Variants in CALCR observed in about 807,000 individuals in gnomAD.
CALCR encodes the protein calcitonin receptor.
A neutral mutation model predicts 59.5 loss-of-function variants in CALCR; 47 were observed. The observed-to-expected ratio is 0.79, with a 90% confidence interval of 0.63 to 1.01. The LOEUF is 1.01. Among genes scored for constraint, CALCR ranks in the 50% least tolerant of loss-of-function variants. CALCR has a pLI of 0.00. For missense variants in CALCR, 566 were observed against 597.1 expected, an observed-to-expected ratio of 0.95 and a Z score of 0.54; for synonymous variants, 213 against 211.3, an observed-to-expected ratio of 1.01 and a Z score of -0.07.
At chr7:93,505,844 C>T (rs909565303) in intron 2 of CALCR, among the ~76,000 whole-genome samples, 2 of 152,160 alleles carry the variant, frequency 1.3e-5, no homozygotes, top group African/African-American at 2.4e-5. Context: ...TCCACCTTCC[C>T]TTCTCTTTGC....
Position 93,529,966 on chromosome 7 carries a change from G to A in CALCR, c.-26-42959C>T, listed in dbSNP as rs1224618588. Among the ~76,000 whole-genome samples the A allele has an allele frequency of 2.0e-5, 3 of 152,054 alleles. No individual in the cohort carries two copies. The East Asian group carries it at 5.8e-4, about 29-fold the overall frequency. ...TCTACATTTCTATATGTAAAACACA[G>A]CTCTTTTTTTCATTGCTCTTTATTG... is the stretch of plus-strand genomic sequence containing the variant. On this transcript the variant is annotated intron_variant, in intron 2 of 13. Coordinates refer to ENST00000426151, the MANE Select transcript of CALCR (RefSeq NM_001742.4).
chr7:93,547,937 T>G (rs1789336445), intron 2 of CALCR, among the ~76,000 whole-genome samples: 2 of 152,276 alleles, frequency 1.3e-5, no homozygotes, highest in South Asian at 4.1e-4. Flanking sequence ...GATGTTTATT[T>G]CAAGGCCACA....
chr7:93,434,630 G>C (rs1281287261), intron 12 of CALCR, among the ~76,000 whole-genome samples: 3 of 151,896 alleles, frequency 2.0e-5, no homozygotes, highest in African/African-American at 4.8e-5. Flanking sequence ...TTTAAAAATG[G>C]AGACCTTGCA....
chr7:93,519,979 A>G (rs1218159881), intron 2 of CALCR, among the ~76,000 whole-genome samples: 3 of 152,214 alleles, frequency 2.0e-5, no homozygotes, highest in African/African-American at 7.2e-5. Flanking sequence ...GAAATTCTTT[A>G]TAGCAGTATG....
At chr7:93,544,784 G>C (rs966367791) in intron 2 of CALCR, among the ~76,000 whole-genome samples, 2 of 152,122 alleles carry the variant, frequency 1.3e-5, no homozygotes, top group African/African-American at 4.8e-5. Flanking sequence ...GATTTGGCCA[G>C]GAGGAGCTTA....
intron 2 of CALCR, among the ~76,000 whole-genome samples, chr7:93,501,293 G>C (rs564847244): frequency 3.1e-4 from 47 of 152,162 alleles, no homozygotes; most frequent in African/African-American, 1.1e-3. Context: ...CTTTATTCAA[G>C]AAAGCTTAGT....
chr7:93,480,819 G>C lies in CALCR; in HGVS notation c.52-1312C>G, dbSNP rs146528449. 5.9e-5 allele frequency among the ~76,000 whole-genome samples: 9 copies of C among 151,902 alleles called. No individual in the cohort carries two copies. In the East Asian group the frequency reaches 1.6e-3, roughly 26 times the overall value. On this transcript the variant is annotated intron_variant, in intron 3 of 13. Transcript: ENST00000426151. ...TGGGAAGTTTCTGCATAGGCACAAG[G>C]GGGGGTCGAGAAGCCTTTTGGGATG...
intron 2 of CALCR, among the ~76,000 whole-genome samples, chr7:93,534,223 T>C (rs1228319103): frequency 6.6e-6 from 1 of 151,830 alleles, no homozygotes; most frequent in Non-Finnish European, 1.5e-5. Context: ...CCCTAAGAAG[T>C]ATGTATTGTA....
At chr7:93,472,172 T>C (rs904892872) in intron 6 of CALCR, among the ~76,000 whole-genome samples, 1 of 151,830 alleles carries the variant, frequency 6.6e-6, no homozygotes, top group Non-Finnish European at 1.5e-5. Context: ...AATTGACTCT[T>C]GACTCTGAGT....
intron 12 of CALCR, among the ~76,000 whole-genome samples, chr7:93,435,540 C>T (rs559668283): frequency 2.0e-4 from 30 of 152,130 alleles, no homozygotes; most frequent in Non-Finnish European, 2.4e-4. Flanking sequence ...GCTTGTCAGG[C>T]GTGCGCAGTG....
Position 93,486,921 on chromosome 7 carries a change from T to C in CALCR, c.51+10A>G. On this transcript the variant is annotated intron_variant, in intron 3 of 13. Transcript: ENST00000426151. The stretch of plus-strand genomic sequence containing the variant: ...ATTAGCATGGCTTTGAATACTTTTG[T>C]TTTACTTACATTTAGAAGAAGAAAC... 1 of 1,537,404 alleles carries C rather than the reference T, an allele frequency of 6.5e-7. No individual in the cohort carries two copies. The highest frequency in any genetic ancestry group is 9.0e-7 in the Non-Finnish European group (1 of 1,115,568).
chr7:93,484,147 A>G (rs1800869791), intron 3 of CALCR: 1 of 290,986 alleles, frequency 3.4e-6, no homozygotes, highest in South Asian at 2.9e-5. Flanking sequence ...CTGGCAAGCC[A>G]CCTGCTCTCA....
In CALCR at chr7:93,490,107, C is replaced by T. The variant is rs576870411; in HGVS notation, c.-26-3100G>A. Among the ~76,000 whole-genome samples, 14 of 151,908 alleles carry T rather than the reference C, an allele frequency of 9.2e-5. No individual in the cohort carries two copies. In the East Asian group the frequency reaches 9.7e-4, roughly 11 times the overall value. ...TGAGATGCAAGTCTGGTTCAACATA[C>T]GCAAATCAATAAATGTAATCCGTCA... On this transcript the variant is annotated intron_variant, in intron 2 of 13. Coordinates refer to ENST00000426151, the MANE Select transcript of CALCR (RefSeq NM_001742.4).
chr7:93,481,530 G>A (rs949356532), intron 3 of CALCR, among the ~76,000 whole-genome samples: 15 of 151,862 alleles, frequency 9.9e-5, no homozygotes, highest in African/African-American at 3.6e-4. Context: ...TCCCAAGAAA[G>A]GGAAGATGCT....
At chr7:93,524,174 CTTTT>C (rs376632123) in intron 2 of CALCR, among the ~76,000 whole-genome samples, 3 of 139,992 alleles carry the variant, frequency 2.1e-5, no homozygotes, top group Non-Finnish European at 3.1e-5. Context: ...ATTTTTTTTT[CTTTT>C]TTTTTTTTTT....
chr7:93,437,991 A>T, intron 11 of CALCR, 69 bp downstream of exon 11: 1 of 1,214,446 alleles, frequency 8.2e-7, no homozygotes, highest in Non-Finnish European at 1.2e-6. Flanking sequence ...TGATACATAG[A>T]ACTATATACA....
chr7:93,457,225 C>A (rs886518820), intron 8 of CALCR, among the ~76,000 whole-genome samples: 1 of 152,124 alleles, frequency 6.6e-6, no homozygotes, highest in African/African-American at 2.4e-5. Flanking sequence ...TTGACAGCAA[C>A]CTTGTGAGCA....
At chr7:93,495,889 C>A (rs906472505) in intron 2 of CALCR, 17 of 1,531,566 alleles carry the variant, frequency 1.1e-5, no homozygotes, top group Non-Finnish European at 1.5e-5. Context: ...TTTGTATCCA[C>A]AAATGGGCAC....
At chr7:93,548,727 A>G (rs375518109) in intron 2 of CALCR, among the ~76,000 whole-genome samples, 9 of 147,368 alleles carry the variant, frequency 6.1e-5, no homozygotes, top group South Asian at 2.3e-4. Context: ...AAGCATTTGG[A>G]AAAAAAAAAG....
Sources: gnomAD v4.1 joint callset for allele counts (sites outside exome capture counted in the v4.1 genomes callset) on GRCh38, gnomAD v4.1.1 for gene constraint, MANE v1.5 for transcripts, NCBI Gene and HGNC (gene_info 2026-07-23, HGNC 2026-07-21) for gene names.